The following TMEM114 variants were observed in gnomAD, a reference collection of about 807,000 sequenced individuals.
TMEM114 encodes the protein claudin-26.
TMEM114 carries 6 observed loss-of-function variants against 6.2 expected under a neutral mutation model. The observed-to-expected ratio is 0.97, with a 90% CI of 0.53 to 1.91. TMEM114 has a LOEUF of 1.91. Ranked by LOEUF, TMEM114 falls within the 40% of genes most tolerant of loss-of-function variation. The probability of loss-of-function intolerance (pLI) is 0.01; values close to 1 mark genes in which losing one functional copy is unlikely to be tolerated. For missense variants in TMEM114, 218 were observed against 158.3 expected, an observed-to-expected ratio of 1.38 and a Z score of -2.02; for synonymous variants, 104 against 73.0, an observed-to-expected ratio of 1.42 and a Z score of -2.16.
downstream of TMEM114, among the ~76,000 whole-genome samples, chr16:8,564,644 A>AG (rs1279272494): frequency 1.5e-4 from 22 of 150,788 alleles, 1 homozygote; most frequent in Admixed American, 4.0e-4. Context: ...TGAATGAGTG[A>AG]GTAAATGAGT....
At chr16:8,537,985 T>A (rs1567192964) in intron 2 of TMEM114, among the ~76,000 whole-genome samples, 4 of 151,350 alleles carry the variant, frequency 2.6e-5, no homozygotes, top group African/African-American at 7.3e-5. Context: ...CAGGGGTGGG[T>A]GGGGGGCAAT....
chr16:8,561,801 T>A (rs1163049493), intron 2 of TMEM114, among the ~76,000 whole-genome samples: 1 of 150,468 alleles, frequency 6.6e-6, no homozygotes, highest in African/African-American at 2.5e-5. Context: ...GAATAGTGAA[T>A]GAGTGAGTGA....
intron 2 of TMEM114, among the ~76,000 whole-genome samples, chr16:8,559,789 C>G (rs1042810977): frequency 5.9e-5 from 9 of 152,130 alleles, no homozygotes; most frequent in African/African-American, 2.2e-4. Context: ...GATGGAGGAG[C>G]TGTGTGTGCG....
chr16:8,570,074 G>A (rs1901680723), intron 3 of TMEM114, 69 bp from the exon 4 acceptor site: 2 of 1,487,168 alleles, frequency 1.3e-6, no homozygotes, highest in Non-Finnish European at 1.8e-6. Flanking sequence ...CCTCCTCCTC[G>A]CCCTGCCCAG....
Position 8,589,962 on chromosome 16 carries a change from C to A in TMEM114, c.-124G>T, listed in dbSNP as rs1032659305. The A allele has an allele frequency of 1.0e-5, 4 of 386,840 alleles. No homozygotes were observed. Among genetic ancestry groups the A allele is most frequent in the South Asian group, 1.4e-4 (1 of 7,008 alleles). The allele number at this position is 386,840 out of a possible 1,614,324, so 24.0% of individuals were successfully genotyped here. ...CCACCGCCGCCAGAGCCGCGGAGCT[C>A]AGATCTGAAAGCCTTTCCTTTGGAC... On this transcript the variant is annotated 5_prime_UTR_variant, in exon 1 of 4. Transcript: ENST00000620492.
chr16:8,530,320 T>C, the TMEM114 span, among the ~76,000 whole-genome samples: 4 of 152,188 alleles, frequency 2.6e-5, no homozygotes, highest in African/African-American at 7.2e-5. Flanking sequence ...TGGCTCCACA[T>C]GGCTCTATCC....
chr16:8,571,516 C>T (rs1017422430), intron 3 of TMEM114, among the ~76,000 whole-genome samples: 2 of 152,064 alleles, frequency 1.3e-5, no homozygotes, highest in African/African-American at 4.8e-5. Context: ...ACCATGACGC[C>T]CAATAGATCA....
intron 2 of TMEM114, among the ~76,000 whole-genome samples, chr16:8,576,060 C>T (rs571012537): frequency 1.1e-4 from 16 of 152,258 alleles, no homozygotes; most frequent in Admixed American, 4.6e-4. Flanking sequence ...CGACATCAGA[C>T]GAGGTCATCT....
At chr16:8,530,117 A>G in the TMEM114 span, among the ~76,000 whole-genome samples, 12 of 152,180 alleles carry the variant, frequency 7.9e-5, no homozygotes, top group Non-Finnish European at 1.3e-4. Context: ...TGAAATTTGC[A>G]TTAGCTTTTT....
intron 2 of TMEM114, among the ~76,000 whole-genome samples, chr16:8,563,829 A>AG (rs1901394128): frequency 9.8e-5 from 12 of 122,232 alleles, no homozygotes; most frequent in East Asian, 2.4e-4. Flanking sequence ...GAGTGAGTGA[A>AG]TGAGTGAGGG....
At chr16:8,561,316 C>T (rs954363001) in intron 2 of TMEM114, among the ~76,000 whole-genome samples, 2 of 152,226 alleles carry the variant, frequency 1.3e-5, no homozygotes, top group Admixed American at 1.3e-4. Flanking sequence ...TCTCAAAAGA[C>T]TGGACAGGAC....
chr16:8,537,241 C>T (rs187014940), downstream of TMEM114, among the ~76,000 whole-genome samples: 4 of 152,272 alleles, frequency 2.6e-5, no homozygotes, highest in Non-Finnish European at 4.4e-5. Context: ...TGGCTCACAC[C>T]TGTAATCCCA....
At chr16:8,534,305 C>G (rs1226100902), downstream of TMEM114, among the ~76,000 whole-genome samples, 3 of 151,470 alleles carry the variant, frequency 2.0e-5, no homozygotes, top group African/African-American at 7.3e-5. Flanking sequence ...CAAAGACAAA[C>G]CAGTCCATAA....
chr16:8,564,286 GAAA>G (rs1901434339), intron 2 of TMEM114, among the ~76,000 whole-genome samples: 3 of 51,590 alleles, frequency 5.8e-5, no homozygotes, highest in South Asian at 7.1e-4. Flanking sequence ...AATGAGTGAT[GAAA>G]TAAGTGAATG....
At chr16:8,576,720 AAGGAAGG>A in intron 2 of TMEM114, among the ~76,000 whole-genome samples, 1 of 108,074 alleles carries the variant, frequency 9.3e-6, no homozygotes, top group Non-Finnish European at 1.9e-5. Context: ...GGAAGGAAGG[AAGGAAGG>A]AAGGAAGGAA....
chr16:8,587,797 C>G (rs1364986844), intron 2 of TMEM114, among the ~76,000 whole-genome samples: 1 of 152,090 alleles, frequency 6.6e-6, no homozygotes, highest in African/African-American at 2.4e-5. Flanking sequence ...GAGCTAAGAC[C>G]GTGCCACTGC....
In TMEM114 at chr16:8,539,541, C is replaced by T. The variant is rs148856461; in HGVS notation, n.213-1715G>A. On this transcript the variant is annotated intron_variant and non_coding_transcript_variant, in intron 2 of 2. Transcript: ENST00000623677. ...ACCACCCTCTCCTTCCATCCTCCCA[C>T]GCTCCAATTCCCTTATCCAAGGAAA... 1.1e-3 allele frequency among the ~76,000 whole-genome samples: 166 copies of T among 152,248 alleles called. 1 individual carries two copies. The highest frequency in any genetic ancestry group is 3.8e-3 in the African/African-American group (157 of 41,540).
intron 2 of TMEM114, among the ~76,000 whole-genome samples, chr16:8,551,122 G>A (rs1900831177): frequency 6.6e-6 from 1 of 152,166 alleles, no homozygotes; most frequent in Non-Finnish European, 1.5e-5. Flanking sequence ...CTCTGGCACT[G>A]GAGGATTTTT....
chr16:8,551,640 C>A lies in TMEM114; in HGVS notation n.213-13814G>T, dbSNP rs141727801. On this transcript the variant is annotated intron_variant and non_coding_transcript_variant, in intron 2 of 2. Coordinates refer to the TMEM114 transcript ENST00000623677. ...TTGACAAGAAACATTGACTTTCTGT[C>A]TGTGAGGCAGGACAAAAATTCATCT... is the stretch of plus-strand genomic sequence containing the variant. Among the ~76,000 whole-genome samples the A allele has an allele frequency of 3.1e-3, 473 of 152,328 alleles. 1 individual carries two copies. Among genetic ancestry groups the A allele is most frequent in the African/African-American group, 0.011 (440 of 41,570 alleles).
Sources: allele counts gnomAD v4.1 joint callset (sites outside exome capture counted in the v4.1 genomes callset), GRCh38; gene constraint gnomAD v4.1.1; transcripts MANE v1.5; gene names NCBI Gene and HGNC (gene_info 2026-07-23, HGNC 2026-07-21).